The following CELF2 variants were observed in gnomAD, a reference collection of about 807,000 sequenced individuals.
CELF2 encodes the protein CUGBP Elav-like family member 2.
Under a neutral mutation model 62.6 loss-of-function variants are expected in CELF2, and 8 were observed. That is an observed-to-expected ratio of 0.13 (90% CI 0.07 to 0.23). The LOEUF (loss-of-function observed/expected upper bound fraction) is 0.23, where lower values mean the gene tolerates loss of function less well. Among genes scored for constraint, CELF2 ranks in the 10% least tolerant of loss-of-function variants. CELF2 has a pLI of 1.00. For missense variants in CELF2, 333 were observed against 671.0 expected (o/e 0.50, Z 5.56); for synonymous variants, 258 against 250.0 (o/e 1.03, Z -0.30).
chr10:10,989,920 G>C (rs1189179268), intron 2 of CELF2, among the ~76,000 whole-genome samples: 1 of 152,110 alleles, frequency 6.6e-6, no homozygotes, highest in Non-Finnish European at 1.5e-5. Context: ...AAACAGTGAA[G>C]TAACAGGTCA....
chr10:11,158,755 A>T (rs1443284135), intron 1 of CELF2, among the ~76,000 whole-genome samples: 1 of 152,228 alleles, frequency 6.6e-6, no homozygotes, highest in South Asian at 2.1e-4. Flanking sequence ...CGAATTTTGG[A>T]TGCATTTTAC....
chr10:11,166,866 T>C (rs142095710), intron 2 of CELF2, among the ~76,000 whole-genome samples: 126 of 152,384 alleles, frequency 8.3e-4, no homozygotes, highest in Middle Eastern at 6.8e-3. Context: ...TTTTGGGCTG[T>C]TCCTCTTGTT....
chr10:11,137,622 A>G (rs537145318), intron 1 of CELF2, among the ~76,000 whole-genome samples: 33 of 152,262 alleles, frequency 2.2e-4, no homozygotes, highest in Non-Finnish European at 4.0e-4. Flanking sequence ...TCTGGCATAC[A>G]TTAAGCACTC....
chr10:10,801,413 G>A (rs955725374), intron 1 of CELF2, among the ~76,000 whole-genome samples: 4 of 152,178 alleles, frequency 2.6e-5, no homozygotes, highest in Admixed American at 6.5e-5. Context: ...CGGTTTACTT[G>A]CCACCAATAA....
At chr10:10,624,642 G>T in the CELF2 span, among the ~76,000 whole-genome samples, 5,295 of 152,254 alleles carry the variant, frequency 0.035, 203 homozygotes, top group African/African-American at 0.098. Flanking sequence ...GTCCTGATGC[G>T]ATTATATATG....
chr10:11,272,102 A>C (rs1016512250), intron 7 of CELF2, among the ~76,000 whole-genome samples: 9 of 152,192 alleles, frequency 5.9e-5, no homozygotes, highest in Non-Finnish European at 1.0e-4. Flanking sequence ...TCTGGTATAT[A>C]ATAGCTCTTC....
chr10:10,500,871 CT>C, the CELF2 span, among the ~76,000 whole-genome samples: 314 of 152,282 alleles, frequency 2.1e-3, no homozygotes, highest in African/African-American at 6.7e-3. Context: ...TTTTTAGAGT[CT>C]TTTATAAATG....
rs1305401091 is a variant in CELF2 at position 11,207,895 on chromosome 10, A to G, written c.272-9530A>G. On this transcript the variant is annotated intron_variant, in intron 2 of 12. Transcript: ENST00000633077. The surrounding 1 kb of genome is among the most constrained non-coding windows in gnomAD (Gnocchi z 4.1). ...ATGGAAGTCCCATTTTTAGGTGGGGAAAAAAGGGTTGTGTTAGGTGACTGT... is the reference window on the plus strand; with the variant it reads ...ATGGAAGTCCCATTTTTAGGTGGGGGAAAAAGGGTTGTGTTAGGTGACTGT... Among the ~76,000 whole-genome samples, 1 of 152,144 alleles carries G rather than the reference A, an allele frequency of 6.6e-6. No homozygotes were observed. Among genetic ancestry groups the G allele is most frequent in the Admixed American group, 6.5e-5 (1 of 15,284 alleles).
At chr10:10,827,218 T>G (rs1218743031) in intron 1 of CELF2, among the ~76,000 whole-genome samples, 1 of 152,170 alleles carries the variant, frequency 6.6e-6, no homozygotes, top group African/African-American at 2.4e-5. Context: ...AATATTTGCA[T>G]ATCCCCATGA....
At chr10:10,497,354 A>C in the CELF2 span, among the ~76,000 whole-genome samples, 1 of 152,216 alleles carries the variant, frequency 6.6e-6, no homozygotes, top group Non-Finnish European at 1.5e-5. Flanking sequence ...TCATGCATTC[A>C]GTTCATGCAA....
At chr10:10,651,241 T>C in the CELF2 span, among the ~76,000 whole-genome samples, 1 of 131,938 alleles carries the variant, frequency 7.6e-6, no homozygotes, top group Non-Finnish European at 1.7e-5. Flanking sequence ...ATCTCGCTGA[T>C]TGCTAGCACA....
At chr10:10,906,712 CTTTTCTTTTT>C (rs1478884468) in intron 1 of CELF2, among the ~76,000 whole-genome samples, 4 of 99,290 alleles carry the variant, frequency 4.0e-5, no homozygotes, top group Non-Finnish European at 7.8e-5. Flanking sequence ...TTTTCTTTTT[CTTTTCTTTTT>C]TTTTTTTTTT....
At chr10:10,583,851 T>C in the CELF2 span, among the ~76,000 whole-genome samples, 2 of 152,180 alleles carry the variant, frequency 1.3e-5, no homozygotes, top group Non-Finnish European at 2.9e-5. Context: ...TAACTGGGGC[T>C]TTTATAAGAT....
At chr10:11,001,102 C>T (rs769535799), upstream of CELF2, among the ~76,000 whole-genome samples, 1 of 152,220 alleles carries the variant, frequency 6.6e-6, no homozygotes, top group Non-Finnish European at 1.5e-5. Context: ...ACACTTGGTA[C>T]ACTGCAAATC....
upstream of CELF2, among the ~76,000 whole-genome samples, chr10:11,004,717 G>T (rs1183058126): frequency 6.6e-6 from 1 of 152,178 alleles, no homozygotes; most frequent in East Asian, 1.9e-4. This position sits in a 1 kb window ranked among gnomAD's most constrained non-coding sequence, Gnocchi z 5.0. Context: ...ATTCTGGTGC[G>T]CACAGAGTTA....
the CELF2 span, among the ~76,000 whole-genome samples, chr10:10,527,207 C>T: frequency 9.2e-5 from 14 of 152,132 alleles, no homozygotes; most frequent in East Asian, 7.7e-4. Flanking sequence ...TTTGGGAGGC[C>T]GAGGCGGGTG....
chr10:10,534,621 A>G, the CELF2 span, among the ~76,000 whole-genome samples: 2 of 152,282 alleles, frequency 1.3e-5, no homozygotes, highest in East Asian at 1.9e-4. Context: ...CTCTTTCCTC[A>G]CTTATCTGTA....
chr10:11,057,880 AAAG>A (rs1415202368), intron 1 of CELF2, among the ~76,000 whole-genome samples: 4 of 152,238 alleles, frequency 2.6e-5, no homozygotes, highest in African/African-American at 9.6e-5. Flanking sequence ...GGTCTACCAC[AAAG>A]AACAATTATA....
At chr10:11,200,269 C>T (rs1005533359) in intron 2 of CELF2, among the ~76,000 whole-genome samples, 1 of 152,188 alleles carries the variant, frequency 6.6e-6, no homozygotes, top group Non-Finnish European at 1.5e-5. Context: ...AGGTATCTCA[C>T]ATTCAGCCTC....
Sources: allele counts gnomAD v4.1 joint callset (sites outside exome capture counted in the v4.1 genomes callset), GRCh38; gene constraint gnomAD v4.1.1; non-coding constraint Gnocchi (gnomAD v3.1); transcripts MANE v1.5; gene names NCBI Gene and HGNC (gene_info 2026-07-23, HGNC 2026-07-21).